KHDRBS2: variants seen among roughly 807,000 people sequenced by gnomAD.
KHDRBS2 encodes KH RNA binding domain containing, signal transduction associated 2.
Under a neutral mutation model 44.3 loss-of-function variants are expected in KHDRBS2, and 26 were observed. That is an observed-to-expected ratio of 0.59 (90% CI 0.43 to 0.81). The LOEUF (loss-of-function observed/expected upper bound fraction) is 0.81, where lower values mean the gene tolerates loss of function less well. Among genes scored for constraint, KHDRBS2 ranks in the 40% least tolerant of loss-of-function variants. The pLI is 0.00. For synonymous variants in KHDRBS2, 194 were observed against 151.1 expected, an observed-to-expected ratio of 1.28 and a Z score of -2.08; for missense variants, 476 against 433.1, an observed-to-expected ratio of 1.10 and a Z score of -0.88.
chr6:61,998,548 TTTC>T (rs1489259356), intron 3 of KHDRBS2, among the ~76,000 whole-genome samples: 3 of 152,114 alleles, frequency 2.0e-5, no homozygotes, highest in Non-Finnish European at 4.4e-5. Context: ...GAAAACACGT[TTTC>T]TTCTTTATCT....
intron 1 of KHDRBS2, among the ~76,000 whole-genome samples, chr6:62,191,711 G>A (rs574588691): frequency 2.6e-5 from 4 of 151,966 alleles, no homozygotes; most frequent in South Asian, 4.2e-4. Flanking sequence ...AAACATACAC[G>A]GCTCTCAACA....
chr6:61,807,949 T>C (rs940528367), intron 6 of KHDRBS2, among the ~76,000 whole-genome samples: 1 of 152,026 alleles, frequency 6.6e-6, no homozygotes, highest in Admixed American at 6.6e-5. Flanking sequence ...TGGATAACAA[T>C]ATTAAATCAA....
At chr6:61,918,914 G>A (rs769191278) in intron 4 of KHDRBS2, among the ~76,000 whole-genome samples, 10 of 151,858 alleles carry the variant, frequency 6.6e-5, no homozygotes, top group Non-Finnish European at 1.0e-4. Context: ...TGCTTTTTAG[G>A]CCTGAACACA....
intron 2 of KHDRBS2, among the ~76,000 whole-genome samples, chr6:62,087,048 AG>A (rs1397748334): frequency 1.3e-5 from 2 of 152,178 alleles, no homozygotes; most frequent in Non-Finnish European, 2.9e-5. Context: ...CAACAAAAGA[AG>A]GAACTATGTA....
At chr6:61,743,778 C>T (rs568876681) in intron 6 of KHDRBS2, among the ~76,000 whole-genome samples, 3 of 95,078 alleles carry the variant, frequency 3.2e-5, no homozygotes, top group African/African-American at 8.2e-5. Flanking sequence ...CTATCCCCCC[C>T]CTCCCCCCAC....
At chr6:61,585,699 C>T in the KHDRBS2 span, among the ~76,000 whole-genome samples, 1 of 151,948 alleles carries the variant, frequency 6.6e-6, no homozygotes, top group Admixed American at 6.6e-5. Context: ...TGTTTTTGCC[C>T]ACTCAGCATC....
At chr6:61,663,424 AT>A in the KHDRBS2 span, among the ~76,000 whole-genome samples, 70 of 142,258 alleles carry the variant, frequency 4.9e-4, no homozygotes, top group African/African-American at 1.7e-3. Flanking sequence ...AATTAAAAAA[AT>A]AAAAATAAAA....
intron 7 of KHDRBS2, among the ~76,000 whole-genome samples, chr6:61,715,190 C>G (rs968956219): frequency 6.6e-6 from 1 of 151,606 alleles, no homozygotes; most frequent in African/African-American, 2.4e-5. Context: ...AAGAAAACAA[C>G]GAACGCATAG....
chr6:61,980,289 T>C (rs1441252025), intron 3 of KHDRBS2, among the ~76,000 whole-genome samples: 2 of 152,146 alleles, frequency 1.3e-5, no homozygotes, highest in Non-Finnish European at 2.9e-5. Context: ...GAATATATCA[T>C]AAATTGTTCA....
intron 6 of KHDRBS2, among the ~76,000 whole-genome samples, chr6:61,750,174 G>T (rs896282711): frequency 1.3e-5 from 2 of 152,036 alleles, no homozygotes; most frequent in Admixed American, 1.3e-4. Context: ...ATAGAAAGAA[G>T]AAAACAGAGA....
intron 1 of KHDRBS2, among the ~76,000 whole-genome samples, chr6:62,247,853 T>A (rs1014762254): frequency 2.0e-5 from 3 of 152,158 alleles, no homozygotes; most frequent in African/African-American, 7.2e-5. Context: ...AGGTATTTTC[T>A]ATTCAAGGAA....
chr6:62,088,337 T>G (rs541932367), intron 2 of KHDRBS2, among the ~76,000 whole-genome samples: 1 of 152,336 alleles, frequency 6.6e-6, no homozygotes, highest in East Asian at 1.9e-4. Flanking sequence ...TTCATGGGTT[T>G]ATCCACCTTT....
At chr6:62,070,015 T>C (rs1794614806) in intron 2 of KHDRBS2, among the ~76,000 whole-genome samples, 1 of 151,752 alleles carries the variant, frequency 6.6e-6, no homozygotes, top group Non-Finnish European at 1.5e-5. Flanking sequence ...TGTCTTACCA[T>C]GAAAAGGTGT....
At chr6:61,890,291 T>C (rs761540916) in intron 6 of KHDRBS2, among the ~76,000 whole-genome samples, 2 of 152,192 alleles carry the variant, frequency 1.3e-5, no homozygotes, top group African/African-American at 4.8e-5. Context: ...ATATTTAATA[T>C]TTTACTATTT....
intron 7 of KHDRBS2, among the ~76,000 whole-genome samples, chr6:61,708,391 T>C (rs1769941147): frequency 6.6e-6 from 1 of 151,616 alleles, no homozygotes. Context: ...TTTTTGCATG[T>C]ATATGTTTCA....
intron 2 of KHDRBS2, among the ~76,000 whole-genome samples, chr6:62,171,721 A>G (rs1820050475): frequency 6.6e-6 from 1 of 152,186 alleles, no homozygotes; most frequent in Non-Finnish European, 1.5e-5. Context: ...CTGGCTAACA[A>G]CAGTCCTATC....
intron 6 of KHDRBS2, among the ~76,000 whole-genome samples, chr6:61,832,067 T>A (rs964165222): frequency 2.0e-5 from 3 of 152,004 alleles, no homozygotes; most frequent in Admixed American, 6.6e-5. Flanking sequence ...AAAGTGAGAC[T>A]CCCATCTCTA....
chr6:61,923,628 A>C (rs79951247), intron 4 of KHDRBS2, among the ~76,000 whole-genome samples: 10,224 of 152,152 alleles, frequency 0.067, 399 homozygotes, highest in Middle Eastern at 0.13. Context: ...TCCAATATTC[A>C]TTTCTGACCA....
At chr6:61,872,167 AT>A (rs1268219482) in intron 6 of KHDRBS2, among the ~76,000 whole-genome samples, 1 of 152,198 alleles carries the variant, frequency 6.6e-6, no homozygotes, top group African/African-American at 2.4e-5. Context: ...TAAATTCAAT[AT>A]CTATATTTAG....
Sources: gnomAD v4.1 joint callset for allele counts (sites outside exome capture counted in the v4.1 genomes callset) on GRCh38, gnomAD v4.1.1 for gene constraint, MANE v1.5 for transcripts, NCBI Gene and HGNC (gene_info 2026-07-23, HGNC 2026-07-21) for gene names.